OPCML: variants seen among roughly 807,000 people sequenced by gnomAD.
OPCML encodes the protein opioid binding protein/cell adhesion molecule like, also known as opioid-binding protein/cell adhesion molecule.
A neutral mutation model predicts 37.8 loss-of-function variants in OPCML; 13 were observed. The ratio of observed to expected loss-of-function variants is 0.34; its 90% CI spans 0.22 to 0.55. OPCML has a LOEUF of 0.55. Among genes scored for constraint, OPCML ranks in the 20% least tolerant of loss-of-function variants. The pLI, the probability that OPCML is intolerant of heterozygous loss-of-function variation, is 0.91. For missense variants in OPCML, 341 were observed against 435.6 expected (o/e 0.78, Z 1.93); for synonymous variants, 176 against 168.8 (o/e 1.04, Z -0.33).
At chr11:132,473,210 C>A (rs2096143673) in intron 4 of OPCML, among the ~76,000 whole-genome samples, 1 of 152,188 alleles carries the variant, frequency 6.6e-6, no homozygotes. Flanking sequence ...AGCCAATGTG[C>A]AGCTTTGTGA....
At chr11:132,890,279 T>A (rs1044137536) in intron 2 of OPCML, among the ~76,000 whole-genome samples, 1 of 152,198 alleles carries the variant, frequency 6.6e-6, no homozygotes. Context: ...ACAATATCTT[T>A]CTTCACCCTC....
At chr11:132,580,832 A>G (rs1019168421) in intron 3 of OPCML, among the ~76,000 whole-genome samples, 14 of 152,186 alleles carry the variant, frequency 9.2e-5, no homozygotes, top group African/African-American at 3.4e-4. Flanking sequence ...ATCAATGTGC[A>G]CTGGTCTGCA....
In OPCML at chr11:133,173,384, A is replaced by G. The variant is rs1274747943; in HGVS notation, c.62-230374T>C. On this transcript the variant is annotated intron_variant, in intron 1 of 7. Coordinates refer to ENST00000524381, the MANE Select transcript of OPCML (RefSeq NM_001012393.5). This position sits in a 1 kb window ranked among gnomAD's most constrained non-coding sequence, Gnocchi z 7.8. ...TCATAGAGAGGGTATCGATAGGAGT[A>G]CAGATCCCAGTATGTTGCACACTGT... Among the ~76,000 whole-genome samples the G allele has an allele frequency of 1.3e-5, 2 of 152,238 alleles. No homozygotes were observed. The highest frequency in any genetic ancestry group is 2.1e-4 in the South Asian group (1 of 4,830).
chr11:132,416,837 TA>T lies in OPCML; in HGVS notation c.*3355del, dbSNP rs1191712373. On this transcript the variant is annotated 3_prime_UTR_variant, in exon 8 of 8. Coordinates refer to ENST00000524381, the MANE Select transcript of OPCML (RefSeq NM_001012393.5). ...GAATTAAAGCAAGAATGAGAAAAAC[TA>T]AACATGCTTGTTTAGACTTGCAGTC... 1 of 152,638 alleles carries T rather than the reference TA, an allele frequency of 6.6e-6. No individual in the cohort carries two copies. Among genetic ancestry groups the T allele is most frequent in the Non-Finnish European group, 1.5e-5 (1 of 68,034 alleles). The allele number at this position is 152,638 out of a possible 1,614,324, so 9.5% of individuals were successfully genotyped here. A position where few individuals can be genotyped will look rare whatever the true frequency, so the allele number is the denominator to read the frequency against.
chr11:133,445,594 C>T (rs908376885), intron 1 of OPCML, among the ~76,000 whole-genome samples: 2 of 152,190 alleles, frequency 1.3e-5, no homozygotes, highest in Admixed American at 1.3e-4. Context: ...TAAGTTCTAT[C>T]ATCACTTTTC....
intron 2 of OPCML, among the ~76,000 whole-genome samples, chr11:132,760,349 T>A (rs1408728135): frequency 1.3e-5 from 2 of 152,172 alleles, no homozygotes; most frequent in Admixed American, 1.3e-4. Flanking sequence ...GTCCTGAATA[T>A]TTTTGTTAAT....
intron 1 of OPCML, among the ~76,000 whole-genome samples, chr11:133,309,479 T>C (rs1943015910): frequency 6.6e-6 from 1 of 152,124 alleles, no homozygotes; most frequent in Non-Finnish European, 1.5e-5. Flanking sequence ...TGTCACAGAT[T>C]GGAGAATACT....
At chr11:133,323,767 C>T (rs534006949) in intron 1 of OPCML, among the ~76,000 whole-genome samples, 55 of 152,272 alleles carry the variant, frequency 3.6e-4, no homozygotes, top group African/African-American at 9.6e-4. Context: ...AAATAAAGAA[C>T]GGAGTGGCCA....
chr11:132,640,297 G>A (rs7130605), intron 3 of OPCML, among the ~76,000 whole-genome samples: 72,990 of 150,962 alleles, frequency 0.48, 17,662 homozygotes, highest in Middle Eastern at 0.56. Context: ...TAGGATGGAA[G>A]CAAAAATTAG....
At chr11:132,726,308 C>T (rs2135994758) in intron 2 of OPCML, among the ~76,000 whole-genome samples, 1 of 152,244 alleles carries the variant, frequency 6.6e-6, no homozygotes, top group East Asian at 1.9e-4. Flanking sequence ...ACATGGATGG[C>T]AGCAGGCAAA....
At chr11:132,876,412 C>T (rs933905093) in intron 2 of OPCML, among the ~76,000 whole-genome samples, 10 of 152,176 alleles carry the variant, frequency 6.6e-5, no homozygotes, top group African/African-American at 2.2e-4. Context: ...CAGAGCTACC[C>T]AGGAAACATC....
chr11:133,096,402 A>T (rs1269939221), intron 1 of OPCML, among the ~76,000 whole-genome samples: 1 of 152,042 alleles, frequency 6.6e-6, no homozygotes, highest in Non-Finnish European at 1.5e-5. Context: ...GTAGGAGAGA[A>T]AATGAGATTA....
At chr11:133,048,101 A>G (rs923015813) in intron 1 of OPCML, among the ~76,000 whole-genome samples, 3 of 152,156 alleles carry the variant, frequency 2.0e-5, no homozygotes, top group African/African-American at 7.2e-5. Context: ...TGGCTTCCCC[A>G]GATGGAATGT....
At chr11:132,468,320 A>G (rs931022593) in intron 4 of OPCML, among the ~76,000 whole-genome samples, 7 of 152,116 alleles carry the variant, frequency 4.6e-5, no homozygotes, top group Admixed American at 3.9e-4. Context: ...CACACTTTCT[A>G]TCCATACCCC....
intron 1 of OPCML, among the ~76,000 whole-genome samples, chr11:133,279,664 T>C (rs112208229): frequency 0.021 from 3,218 of 152,266 alleles, 101 homozygotes; most frequent in African/African-American, 0.071. Flanking sequence ...CTGGTGTCTC[T>C]ACCAGCCTGG....
intron 2 of OPCML, among the ~76,000 whole-genome samples, chr11:132,794,573 C>A (rs1161689685): frequency 6.6e-6 from 1 of 152,102 alleles, no homozygotes; most frequent in Non-Finnish European, 1.5e-5. Flanking sequence ...GCTCCCTCCC[C>A]ATCTCCCTCT....
intron 4 of OPCML, among the ~76,000 whole-genome samples, chr11:132,474,488 T>C (rs1273586602): frequency 3.3e-5 from 5 of 150,170 alleles, no homozygotes; most frequent in African/African-American, 9.7e-5. Flanking sequence ...CCAGATGTGA[T>C]AGGTAGCAAA....
In OPCML at chr11:133,453,900, G is replaced by T. The variant is rs577664830; in HGVS notation, c.61+78364C>A. On this transcript the variant is annotated intron_variant, in intron 1 of 7. Transcript: ENST00000524381. Reference sequence around the variant, plus strand: ...CAAACACATGGATGTCTAAAGTTATGATATTAATGAGATATTTGAAGGTAG... The same window carrying T: ...CAAACACATGGATGTCTAAAGTTATTATATTAATGAGATATTTGAAGGTAG... 2.0e-4 allele frequency among the ~76,000 whole-genome samples: 30 copies of T among 152,304 alleles called. 1 individual carries two copies. In the South Asian group the frequency reaches 3.5e-3, roughly 18 times the overall value.
At chr11:133,485,669 C>T (rs1368471867) in intron 1 of OPCML, among the ~76,000 whole-genome samples, 1 of 152,188 alleles carries the variant, frequency 6.6e-6, no homozygotes, top group East Asian at 1.9e-4. Flanking sequence ...TGGTACATTC[C>T]ATCTGCATTA....
Sources: gnomAD v4.1 joint callset for allele counts (sites outside exome capture counted in the v4.1 genomes callset) on GRCh38, gnomAD v4.1.1 for gene constraint, Gnocchi (gnomAD v3.1) non-coding constraint, MANE v1.5 for transcripts, NCBI Gene and HGNC (gene_info 2026-07-23, HGNC 2026-07-21) for gene names.